Variants in PDE4D observed in about 807,000 individuals in gnomAD.
PDE4D encodes the protein 3',5'-cyclic-AMP phosphodiesterase 4D.
A neutral mutation model predicts 87.4 loss-of-function variants in PDE4D; 24 were observed. The observed-to-expected ratio is 0.27, with a 90% CI of 0.20 to 0.39. The LOEUF (loss-of-function observed/expected upper bound fraction) is 0.39, where lower values mean the gene tolerates loss of function less well. PDE4D is among the 10% of genes least tolerant of loss of function. The pLI is 1.00. For missense variants in PDE4D, 714 were observed against 1,041.0 expected (o/e 0.69, Z 4.32); for synonymous variants, 384 against 383.2 (o/e 1.00, Z -0.02).
intron 1 of PDE4D, among the ~76,000 whole-genome samples, chr5:59,438,414 T>C (rs1056409659): frequency 6.6e-6 from 1 of 152,184 alleles, no homozygotes; most frequent in Non-Finnish European, 1.5e-5. Context: ...CACTGTTCTA[T>C]ATATATTGCT....
At chr5:59,767,267 TTTTC>T (rs1030892400) in intron 1 of PDE4D, among the ~76,000 whole-genome samples, 7 of 152,280 alleles carry the variant, frequency 4.6e-5, no homozygotes, top group East Asian at 1.9e-4. Flanking sequence ...TTTTGTTATG[TTTTC>T]TTTATCATAA....
At chr5:59,462,791 A>C (rs182632645) in intron 1 of PDE4D, among the ~76,000 whole-genome samples, 1 of 152,286 alleles carries the variant, frequency 6.6e-6, no homozygotes, top group Non-Finnish European at 1.5e-5. Context: ...TTTCATATGT[A>C]CTATTTTCTG....
At chr5:60,473,327 T>C (rs1748003698) in intron 1 of PDE4D, among the ~76,000 whole-genome samples, 1 of 152,010 alleles carries the variant, frequency 6.6e-6, no homozygotes, top group Admixed American at 6.6e-5. Context: ...ACCTCCTATA[T>C]TTTGGGACAA....
intron 1 of PDE4D, among the ~76,000 whole-genome samples, chr5:59,766,302 T>C (rs970327795): frequency 1.3e-5 from 2 of 152,218 alleles, no homozygotes; most frequent in Non-Finnish European, 2.9e-5. Flanking sequence ...GATACCATGA[T>C]TTTTATTTCT....
chr5:59,872,529 A>G (rs1212515691), intron 1 of PDE4D, among the ~76,000 whole-genome samples: 1 of 152,216 alleles, frequency 6.6e-6, no homozygotes, highest in Non-Finnish European at 1.5e-5. Context: ...TTTGGTAAAC[A>G]GAATTTGGAA....
intron 9 of PDE4D, 66 bp from the exon 10 acceptor site, chr5:58,989,985 T>TAA: frequency 1.2e-6 from 1 of 861,498 alleles, no homozygotes; most frequent in Non-Finnish European, 1.7e-6. Flanking sequence ...TAGAGTATGT[T>TAA]TAAAAAAAAA....
intron 5 of PDE4D, among the ~76,000 whole-genome samples, chr5:59,147,325 G>A (rs1381824751): frequency 6.6e-6 from 1 of 152,100 alleles, no homozygotes; most frequent in Non-Finnish European, 1.5e-5. Context: ...CTACAATGGA[G>A]GGTAAAGGAC....
chr5:60,331,029 G>A lies in PDE4D; in HGVS notation c.-89-145342C>T, dbSNP rs113775533. On this transcript the variant is annotated intron_variant, in intron 1 of 16. Coordinates refer to the PDE4D transcript ENST00000502484. ...TAAATAATAAATAACTAGTAAAGGT[G>A]AATAAATGGTCTGTTTTGTTAGTTA... Among the ~76,000 whole-genome samples the A allele has an allele frequency of 5.3e-5, 8 of 152,302 alleles. 1 individual carries two copies. The highest frequency in any genetic ancestry group is 1.9e-4 in the African/African-American group (8 of 41,560).
chr5:59,968,091 TCTC>T (rs1226989800), intron 3 of PDE4D, among the ~76,000 whole-genome samples: 1 of 149,564 alleles, frequency 6.7e-6, no homozygotes, highest in Non-Finnish European at 1.5e-5. Flanking sequence ...TTCAAGCAAT[TCTC>T]CTACTTTAGC....
intron 1 of PDE4D, among the ~76,000 whole-genome samples, chr5:59,405,192 T>A (rs902065375): frequency 6.6e-6 from 1 of 152,246 alleles, no homozygotes; most frequent in African/African-American, 2.4e-5. Context: ...TTTAACAATA[T>A]TGATTCTTCC....
intron 1 of PDE4D, among the ~76,000 whole-genome samples, chr5:59,605,791 C>T (rs975640789): frequency 1.3e-5 from 2 of 151,968 alleles, no homozygotes; most frequent in Non-Finnish European, 2.9e-5. Context: ...TTAGTTACAC[C>T]CTCTGGACCA....
At position 59,061,689 on chromosome 5, in the gene PDE4D, C is replaced by A. The variant is rs558752874; in HGVS notation, c.809-22718G>T. On this transcript the variant is annotated intron_variant, in intron 5 of 14. Coordinates refer to ENST00000340635, the MANE Select transcript of PDE4D (RefSeq NM_001104631.2). ...CGTTGTCATCCTCACTCAGATTCCC[C>A]AATAGATAGAAATGCTGTTAAATAT... 2.0e-5 allele frequency among the ~76,000 whole-genome samples: 3 copies of A among 152,156 alleles called. No homozygotes were observed. The South Asian group carries it at 6.2e-4, about 32-fold the overall frequency.
At chr5:60,022,714 T>G (rs541392026) in intron 2 of PDE4D, 1 of 152,372 alleles carries the variant, frequency 6.6e-6, no homozygotes, top group East Asian at 1.9e-4. Context: ...CCCTCATTGT[T>G]ATTTGGTAAT....
At chr5:60,369,710 A>T (rs1760853524) in intron 1 of PDE4D, among the ~76,000 whole-genome samples, 1 of 152,172 alleles carries the variant, frequency 6.6e-6, no homozygotes, top group Non-Finnish European at 1.5e-5. Context: ...GCTTCTATTC[A>T]TAAGACCCCA....
chr5:59,289,582 T>C (rs930439835), intron 1 of PDE4D, among the ~76,000 whole-genome samples: 1 of 152,046 alleles, frequency 6.6e-6, no homozygotes, highest in Non-Finnish European at 1.5e-5. Context: ...GCTGGTATCA[T>C]ACTGAATAGG....
At chr5:59,127,605 A>ACCCCCCCCCCCCCCCC (rs370382085) in intron 5 of PDE4D, among the ~76,000 whole-genome samples, 1 of 34,418 alleles carries the variant, frequency 2.9e-5, no homozygotes, top group African/African-American at 9.6e-5. Flanking sequence ...TTCCCTCCCC[A>ACCCCCCCCCCCCCCCC]CCCCCCCACC....
intron 1 of PDE4D, among the ~76,000 whole-genome samples, chr5:59,459,911 G>A (rs1020301908): frequency 6.6e-6 from 1 of 152,152 alleles, no homozygotes; most frequent in African/African-American, 2.4e-5. Flanking sequence ...TCTAAGGTTC[G>A]AGGAGGGGAT....
At position 59,188,403 on chromosome 5, in the gene PDE4D, C is replaced by T. The variant is rs190594545; in HGVS notation, c.685-3141G>A. ...TAGACAAAGATGGTTCATGTATTAG[C>T]CCATGGGGAAGGATTCAATGTTATT... On this transcript the variant is annotated intron_variant, in intron 3 of 14. Transcript: ENST00000340635. Among the ~76,000 whole-genome samples the T allele has an allele frequency of 6.4e-4, 98 of 152,152 alleles. 1 individual carries two copies. Among genetic ancestry groups the T allele is most frequent in the Non-Finnish European group, 1.1e-3 (72 of 68,004 alleles).
chr5:59,440,010 G>A (rs769899125), intron 1 of PDE4D, among the ~76,000 whole-genome samples: 2 of 152,088 alleles, frequency 1.3e-5, no homozygotes, highest in Non-Finnish European at 1.5e-5. Context: ...TGAAGCTAAC[G>A]TCACCTAGAG....
Sources: allele counts gnomAD v4.1 joint callset (sites outside exome capture counted in the v4.1 genomes callset), GRCh38; gene constraint gnomAD v4.1.1; transcripts MANE v1.5; gene names NCBI Gene and HGNC (gene_info 2026-07-23, HGNC 2026-07-21).